The following HACD3 variants were observed in gnomAD, a reference collection of about 807,000 sequenced individuals.
HACD3 encodes very-long-chain (3R)-3-hydroxyacyl-CoA dehydratase 3.
In HACD3, 30 loss-of-function variants were observed where a neutral mutation model predicts 55.2. That is an observed-to-expected ratio of 0.54 (90% CI 0.41 to 0.74). The LOEUF (loss-of-function observed/expected upper bound fraction) is 0.74, where lower values mean the gene tolerates loss of function less well. Among genes scored for constraint, HACD3 ranks in the 30% least tolerant of loss-of-function variants. The pLI is 0.00. For synonymous variants in HACD3, 141 were observed against 151.7 expected, an observed-to-expected ratio of 0.93 and a Z score of 0.52; for missense variants, 363 against 440.1, an observed-to-expected ratio of 0.82 and a Z score of 1.57.
chr15:65,537,181 T>C (rs2071962995), intron 1 of HACD3, among the ~76,000 whole-genome samples: 2 of 152,116 alleles, frequency 1.3e-5, no homozygotes, highest in African/African-American at 4.8e-5. Context: ...TCATGAGGCT[T>C]AAGGAAAGGC....
At chr15:65,561,740 AC>A (rs2072246457) in intron 5 of HACD3, among the ~76,000 whole-genome samples, 1 of 152,098 alleles carries the variant, frequency 6.6e-6, no homozygotes, top group African/African-American at 2.4e-5. Context: ...CAATTCTGAC[AC>A]TGTTTACCTA....
chr15:65,548,806 T>C (rs1239151622), intron 1 of HACD3, among the ~76,000 whole-genome samples: 1 of 152,156 alleles, frequency 6.6e-6, no homozygotes, highest in African/African-American at 2.4e-5. Context: ...GCTCAAGTGA[T>C]CTTCCTGCGT....
In HACD3 at chr15:65,572,279, C is replaced by T. The variant is rs760383344; in HGVS notation, c.925C>T (p.Arg309Ter). The change falls in exon 10 of 11, where the codon CGA becomes TGA. Residue 309 changes from arginine to a stop codon, truncating the protein, a stop_gained. Transcript: ENST00000261875. LOFTEE classifies it high-confidence loss of function. The stretch of plus-strand genomic sequence containing the variant: ...CATTCCAATATTCAATGAGACCGGA[C>T]GATTCAGTTTCACATTGCCATATCC... Reference protein sequence around the residue: ...QSIPIFNETGRFSFTLPYPVK... With the variant: ...QSIPIFNETG 1 of 1,613,276 alleles carries T rather than the reference C, an allele frequency of 6.2e-7. No individual in the cohort carries two copies. Among genetic ancestry groups the T allele is most frequent in the East Asian group, 2.2e-5 (1 of 44,880 alleles).
At position 65,546,709 on chromosome 15, in the gene HACD3, G is replaced by T. The variant is rs962703040; in HGVS notation, c.88-4967G>T. On this transcript the variant is annotated intron_variant, in intron 1 of 10. Coordinates refer to ENST00000261875, the MANE Select transcript of HACD3 (RefSeq NM_016395.4). Reference sequence around the variant, plus strand: ...GCCTGCTTTGGCCTTCCAAAGTGCTGGGATTGCAGGTGTGAGCCACCATGC... The same window carrying T: ...GCCTGCTTTGGCCTTCCAAAGTGCTTGGATTGCAGGTGTGAGCCACCATGC... Among the ~76,000 whole-genome samples, 3 of 152,242 alleles carry T rather than the reference G, an allele frequency of 2.0e-5. No homozygotes were observed. The South Asian group carries it at 6.2e-4, about 32-fold the overall frequency.
intron 7 of HACD3, among the ~76,000 whole-genome samples, chr15:65,569,161 T>C (rs1228465833): frequency 3.4e-5 from 5 of 149,162 alleles, no homozygotes; most frequent in Admixed American, 1.3e-4. Flanking sequence ...GGCAGGAGAA[T>C]GGCATGAACC....
At position 65,554,888 on chromosome 15, in the gene HACD3, T is replaced by C. The variant is rs1326750582; in HGVS notation, c.132T>C (p.Ala44=). Residue 44 remains alanine (A), a splice_region_variant and synonymous_variant, in exon 3 of 11, where the codon GCT becomes GCC. Transcript: ENST00000261875. ...SITENVLHFK[A]QGHGAKGDNV... ...TAACCCACATTTCTTTCTTTATAGC[T>C]CAAGGACATGGTGCCAAAGGAGACA... is the stretch of plus-strand genomic sequence containing the variant. The C allele has an allele frequency of 1.9e-6, 3 of 1,610,520 alleles. No individual in the cohort carries two copies. In the African/African-American group the frequency reaches 4.0e-5, roughly 22 times the overall value.
At chr15:65,563,197 A>C (rs2072260155) in intron 6 of HACD3, among the ~76,000 whole-genome samples, 1 of 152,182 alleles carries the variant, frequency 6.6e-6, no homozygotes, top group African/African-American at 2.4e-5. Flanking sequence ...AACTAAATAA[A>C]TTGATGTGAT....
intron 1 of HACD3, among the ~76,000 whole-genome samples, chr15:65,541,848 A>G (rs1418461128): frequency 6.6e-6 from 1 of 152,188 alleles, no homozygotes; most frequent in Non-Finnish European, 1.5e-5. Flanking sequence ...TTATGAGCTG[A>G]TAAGGATTTA....
chr15:65,546,252 G>C (rs183045344), intron 1 of HACD3, among the ~76,000 whole-genome samples: 2 of 152,052 alleles, frequency 1.3e-5, no homozygotes, highest in African/African-American at 4.8e-5. Flanking sequence ...GAGTGGTTGC[G>C]TGCATTACAG....
At chr15:65,575,837 A>T (rs1244482205) in intron 10 of HACD3, among the ~76,000 whole-genome samples, 1 of 152,242 alleles carries the variant, frequency 6.6e-6, no homozygotes, top group African/African-American at 2.4e-5. Context: ...TTACGCCTGT[A>T]ATCCCAGTAC....
intron 1 of HACD3, among the ~76,000 whole-genome samples, chr15:65,544,957 G>T (rs953192264): frequency 2.0e-5 from 3 of 151,728 alleles, no homozygotes; most frequent in Non-Finnish European, 2.9e-5. Flanking sequence ...GGAGGCGGAG[G>T]TTGCGGTGAG....
intron 10 of HACD3, among the ~76,000 whole-genome samples, chr15:65,573,303 G>A (rs1171330791): frequency 2.0e-5 from 3 of 151,880 alleles, no homozygotes; most frequent in Non-Finnish European, 2.9e-5. Flanking sequence ...TTTTGTTGTT[G>A]TTGTTGTTAA....
chr15:65,536,037 G>C (rs994795867), intron 1 of HACD3, among the ~76,000 whole-genome samples: 6 of 151,942 alleles, frequency 3.9e-5, no homozygotes, highest in African/African-American at 1.4e-4. Flanking sequence ...TTATTTTTGA[G>C]ACAGGGTCTC....
chr15:65,548,872 T>C (rs2072103416), intron 1 of HACD3, among the ~76,000 whole-genome samples: 1 of 152,168 alleles, frequency 6.6e-6, no homozygotes, highest in South Asian at 2.1e-4. Context: ...AGCCACTCTC[T>C]TTCTCTTTTT....
At position 65,571,561 on chromosome 15, in the gene HACD3, A is replaced by T; in HGVS notation, c.787A>T (p.Met263Leu). The T allele has an allele frequency of 6.2e-7, 1 of 1,613,310 alleles. No individual in the cohort carries two copies. Among genetic ancestry groups the T allele is most frequent in the Non-Finnish European group, 8.5e-7 (1 of 1,179,284 alleles). The change falls in exon 9 of 11, where the codon ATG (methionine) becomes TTG (leucine). Residue 263 changes from methionine (M) to leucine (L), a missense_variant. By Grantham distance (15) the Met-to-Leu change is conservative. Coordinates refer to ENST00000261875, the MANE Select transcript of HACD3 (RefSeq NM_016395.4). ...AIEIFRYSFYMLTCIDMDWKV... is the reference protein window; with the variant it reads ...AIEIFRYSFYLLTCIDMDWKV... The stretch of plus-strand genomic sequence containing the variant: ...TATTTTCAATAGGTACTCTTTCTAC[A>T]TGCTGACGTGCATTGACATGGATTG...
At chr15:65,530,802 G>T (rs951720861) in intron 1 of HACD3, 84 bp downstream of exon 1, 24 of 1,314,476 alleles carry the variant, frequency 1.8e-5, no homozygotes, top group Non-Finnish European at 2.4e-5. Context: ...TTGTCCGCGT[G>T]CGCGCCGGAG....
chr15:65,560,157 ATATGCCACTGTGCCTGGCTTAGGCTGC>A (rs1307155055), intron 5 of HACD3, among the ~76,000 whole-genome samples: 1 of 151,954 alleles, frequency 6.6e-6, no homozygotes, highest in Non-Finnish European at 1.5e-5. Flanking sequence ...GATTACAGGC[ATATGCCACTGTGCCTGGCTTAGGCTGC>A]TTTTGATTGA....
chr15:65,572,922 A>AT lies in HACD3; in HGVS notation c.1012+556_1012+557insT, dbSNP rs1453488049. On this transcript the variant is annotated intron_variant, in intron 10 of 10. Transcript: ENST00000261875. ...AGAGCGGGACTTTGTCTCAAAAAAA[A>AT]AAAAAAAATAAATAAATAAATAAAA... 3.0e-3 allele frequency among the ~76,000 whole-genome samples: 435 copies of AT among 145,784 alleles called. 3 individuals are homozygous for AT. Among genetic ancestry groups the AT allele is most frequent in the African/African-American group, 0.011 (414 of 37,950 alleles).
At position 65,550,301 on chromosome 15, in the gene HACD3, C is replaced by T. The variant is rs1036749571; in HGVS notation, c.88-1375C>T. Among the ~76,000 whole-genome samples the T allele has an allele frequency of 2.7e-4, 41 of 152,168 alleles. 1 individual carries two copies. The highest frequency in any genetic ancestry group is 2.4e-3 in the Admixed American group (37 of 15,282). ...ACTCAGGAGGCTGAGGCAGGAGAAT[C>T]GCCTGAACCTGGGAGGCAGAGGTTA... On this transcript the variant is annotated intron_variant, in intron 1 of 10. Coordinates refer to ENST00000261875, the MANE Select transcript of HACD3 (RefSeq NM_016395.4).
Sources: gnomAD v4.1 joint callset for allele counts (sites outside exome capture counted in the v4.1 genomes callset) on GRCh38, gnomAD v4.1.1 for gene constraint, MANE v1.5 for transcripts, NCBI Gene and HGNC (gene_info 2026-07-23, HGNC 2026-07-21) for gene names.